Variants in TMEFF2 observed in about 807,000 individuals in gnomAD.
TMEFF2 encodes the protein tomoregulin-2.
TMEFF2 carries 28 observed loss-of-function variants against 53.8 expected under a neutral mutation model. The observed-to-expected ratio is 0.52, with a 90% CI of 0.39 to 0.71. TMEFF2 has a LOEUF of 0.71. TMEFF2 is among the 30% of genes least tolerant of loss of function. TMEFF2 has a pLI of 0.00. For missense variants in TMEFF2, 353 were observed against 455.2 expected (o/e 0.78, Z 2.04); for synonymous variants, 162 against 166.3 (o/e 0.97, Z 0.20).
intron 4 of TMEFF2, among the ~76,000 whole-genome samples, chr2:192,093,990 TTG>T (rs148124328): frequency 0.018 from 2,758 of 152,238 alleles, 92 homozygotes; most frequent in African/African-American, 0.063. Context: ...TAGGTTTTTG[TTG>T]TGTTTTCTCA....
chr2:192,015,206 A>C (rs1295361931), intron 5 of TMEFF2, among the ~76,000 whole-genome samples: 1 of 151,736 alleles, frequency 6.6e-6, no homozygotes, highest in Non-Finnish European at 1.5e-5. Flanking sequence ...GATTTATAAA[A>C]ATTGAATCTA....
intron 5 of TMEFF2, among the ~76,000 whole-genome samples, chr2:192,010,385 A>G (rs1393497965): frequency 1.3e-5 from 2 of 152,178 alleles, no homozygotes; most frequent in Non-Finnish European, 2.9e-5. Context: ...CTTGAAATAA[A>G]AATGCTTCTG....
intron 4 of TMEFF2, among the ~76,000 whole-genome samples, chr2:192,111,415 C>T (rs1689273338): frequency 6.6e-6 from 1 of 152,138 alleles, no homozygotes; most frequent in East Asian, 1.9e-4. Context: ...CATTTTGCCC[C>T]TGCCCTGGAG....
intron 7 of TMEFF2, among the ~76,000 whole-genome samples, chr2:191,995,310 A>G (rs2105830999): frequency 6.6e-6 from 1 of 152,150 alleles, no homozygotes; most frequent in South Asian, 2.1e-4. Context: ...AGGCTCAAAG[A>G]AAAAACTGAG....
At chr2:192,006,989 T>TTCCC (rs1686514334) in intron 5 of TMEFF2, among the ~76,000 whole-genome samples, 1 of 152,222 alleles carries the variant, frequency 6.6e-6, no homozygotes, top group African/African-American at 2.4e-5. Flanking sequence ...GGTGCAATAA[T>TTCCC]ATCTGGAGGG....
intron 7 of TMEFF2, among the ~76,000 whole-genome samples, chr2:191,960,350 A>T (rs952024222): frequency 1.3e-5 from 2 of 152,246 alleles, no homozygotes; most frequent in African/African-American, 2.4e-5. Context: ...ACTTCTATGT[A>T]GCCTTCACAT....
intron 4 of TMEFF2, among the ~76,000 whole-genome samples, chr2:192,098,969 G>T (rs892167383): frequency 1.3e-5 from 2 of 152,010 alleles, no homozygotes; most frequent in East Asian, 1.9e-4. Flanking sequence ...TAAAACAGAG[G>T]TATTATATTT....
chr2:192,075,306 T>TATATATATATATATATAA (rs1688394215), intron 4 of TMEFF2, among the ~76,000 whole-genome samples: 6 of 57,764 alleles, frequency 1.0e-4, no homozygotes, highest in Non-Finnish European at 2.2e-4. Context: ...TATATATATA[T>TATATATATATATATATAA]ATATATATAT....
intron 4 of TMEFF2, among the ~76,000 whole-genome samples, chr2:192,115,192 A>G (rs1452217553): frequency 6.6e-6 from 1 of 152,060 alleles, no homozygotes; most frequent in African/African-American, 2.4e-5. Flanking sequence ...AGTATACTAC[A>G]AAGCTATGGT....
chr2:192,157,877 T>G (rs979823521), intron 4 of TMEFF2, among the ~76,000 whole-genome samples: 1 of 152,070 alleles, frequency 6.6e-6, no homozygotes, highest in Non-Finnish European at 1.5e-5. Context: ...TGCCAAACCA[T>G]CTGTTGTTCC....
intron 4 of TMEFF2, among the ~76,000 whole-genome samples, chr2:192,144,081 A>C (rs919643704): frequency 2.0e-5 from 3 of 152,114 alleles, no homozygotes; most frequent in Non-Finnish European, 2.9e-5. Flanking sequence ...ATAAGTCTTC[A>C]TTTATGTGGT....
Position 192,166,711 on chromosome 2 carries a change from G to A in TMEFF2, c.439+12957C>T, listed in dbSNP as rs903145953. ...GCAACAAAATGGAGAGACTCCAGGG[G>A]CCAGGAGAAAAATGGATGGGATTAG... On this transcript the variant is annotated intron_variant, in intron 4 of 9. Coordinates refer to ENST00000272771, the MANE Select transcript of TMEFF2 (RefSeq NM_016192.4). Among the ~76,000 whole-genome samples the A allele has an allele frequency of 5.3e-5, 8 of 152,098 alleles. 1 individual carries two copies. Among genetic ancestry groups the A allele is most frequent in the Admixed American group, 3.3e-4 (5 of 15,246 alleles).
intron 5 of TMEFF2, among the ~76,000 whole-genome samples, chr2:192,023,120 A>G (rs1307281768): frequency 3.3e-5 from 5 of 152,250 alleles, no homozygotes; most frequent in African/African-American, 1.2e-4. Context: ...TTTCTTGCAC[A>G]CTGGCCATAT....
At chr2:191,995,838 G>A (rs1028228370) in intron 7 of TMEFF2, among the ~76,000 whole-genome samples, 18 of 151,810 alleles carry the variant, frequency 1.2e-4, no homozygotes, top group African/African-American at 4.1e-4. Context: ...TCTTATACTT[G>A]GATTTCAACA....
At chr2:192,013,694 C>T (rs1559084611) in intron 5 of TMEFF2, among the ~76,000 whole-genome samples, 1 of 152,198 alleles carries the variant, frequency 6.6e-6, no homozygotes, top group Non-Finnish European at 1.5e-5. Flanking sequence ...AGGCGATCCG[C>T]CCGCCTTGGC....
chr2:192,110,657 G>A (rs1689251727), intron 4 of TMEFF2, among the ~76,000 whole-genome samples: 2 of 152,104 alleles, frequency 1.3e-5, no homozygotes, highest in African/African-American at 4.8e-5. Flanking sequence ...ACATCTCTTT[G>A]TACCATTAAT....
At chr2:192,094,952 G>C (rs1416597702) in intron 4 of TMEFF2, among the ~76,000 whole-genome samples, 1 of 152,190 alleles carries the variant, frequency 6.6e-6, no homozygotes, top group Admixed American at 6.6e-5. Flanking sequence ...ATACATTGGA[G>C]AGGGAGCTAT....
intron 4 of TMEFF2, among the ~76,000 whole-genome samples, chr2:192,152,068 T>C (rs757118658): frequency 3.3e-5 from 5 of 151,908 alleles, no homozygotes; most frequent in East Asian, 1.9e-4. Flanking sequence ...AATCCGGAGA[T>C]GAATGTGTTA....
chr2:191,995,734 A>G (rs1686207222), intron 7 of TMEFF2, among the ~76,000 whole-genome samples: 1 of 152,046 alleles, frequency 6.6e-6, no homozygotes, highest in Non-Finnish European at 1.5e-5. Context: ...ATTAATGAAG[A>G]CAAATATATC....
Sources: allele counts gnomAD v4.1 joint callset (sites outside exome capture counted in the v4.1 genomes callset), GRCh38; gene constraint gnomAD v4.1.1; transcripts MANE v1.5; gene names NCBI Gene and HGNC (gene_info 2026-07-23, HGNC 2026-07-21).